The following JAK1 variants were observed in gnomAD, a reference collection of about 807,000 sequenced individuals.
JAK1 encodes tyrosine-protein kinase JAK1.
A neutral mutation model predicts 136.6 loss-of-function variants in JAK1; 16 were observed. That is an observed-to-expected ratio of 0.12 (90% CI 0.08 to 0.18). The LOEUF (loss-of-function observed/expected upper bound fraction) is 0.18. JAK1 is among the 10% of genes least tolerant of loss of function. JAK1 has a pLI of 1.00. For missense variants in JAK1, 859 were observed against 1,450.1 expected (o/e 0.59, Z 6.62); for synonymous variants, 492 against 519.5 (o/e 0.95, Z 0.72).
At chr1:64,959,919 T>A (rs1646252578) in intron 1 of JAK1, among the ~76,000 whole-genome samples, 1 of 152,236 alleles carries the variant, frequency 6.6e-6, no homozygotes, top group Non-Finnish European at 1.5e-5. Context: ...ATACACATCC[T>A]ATTTATCAAT....
chr1:64,901,973 T>C (rs969831414), intron 1 of JAK1, among the ~76,000 whole-genome samples: 2 of 152,212 alleles, frequency 1.3e-5, no homozygotes, highest in Non-Finnish European at 2.9e-5. Context: ...AATAATACTC[T>C]ATTGTATAGG....
chr1:64,845,499 C>G lies in JAK1; in HGVS notation c.2115+14G>C, dbSNP rs755100913. ...TTTCTGGTGGGACCATTATGGACAT[C>G]AGGACATTCTCACCAAGTAGCTCAG... On this transcript the variant is annotated intron_variant, in intron 15 of 24. Transcript: ENST00000342505. 2 of 1,614,104 alleles carry G rather than the reference C, an allele frequency of 1.2e-6. No homozygotes were observed. The highest frequency in any genetic ancestry group is 8.5e-7 in the Non-Finnish European group (1 of 1,179,980).
At chr1:65,011,351 C>T (rs1414403779) in intron 2 of JAK1, among the ~76,000 whole-genome samples, 1 of 151,926 alleles carries the variant, frequency 6.6e-6, no homozygotes, top group African/African-American at 2.4e-5. Flanking sequence ...TAGTGCATGC[C>T]AATAGTCCCA....
intron 1 of JAK1, among the ~76,000 whole-genome samples, chr1:65,051,367 C>T (rs1647279229): frequency 6.6e-6 from 1 of 152,110 alleles, no homozygotes; most frequent in Admixed American, 6.6e-5. Context: ...CAATATAAAT[C>T]TGGGAATTTC....
At chr1:64,994,452 G>A (rs1221879624) in intron 2 of JAK1, among the ~76,000 whole-genome samples, 1 of 152,180 alleles carries the variant, frequency 6.6e-6, no homozygotes, top group Non-Finnish European at 1.5e-5. Flanking sequence ...ATTTCATACA[G>A]TTCTGGAGGC....
chr1:64,844,328 GC>G lies in JAK1; in HGVS notation c.2252-114del. 7.1e-7 allele frequency: 1 copy of G among 1,400,138 alleles called. No individual in the cohort carries two copies. The highest frequency in any genetic ancestry group is 1.0e-6 in the Non-Finnish European group (1 of 998,760). 86.7% of individuals were successfully genotyped at this position (1,400,138 alleles called of 1,614,324 possible). A position where few individuals can be genotyped will look rare whatever the true frequency, so the allele number is the denominator to read the frequency against. On this transcript the variant is annotated intron_variant, in intron 16 of 24. Transcript: ENST00000342505. This position sits in a 1 kb window ranked among gnomAD's most constrained non-coding sequence, Gnocchi z 5.7. ...ATGAAGGAACTACTTCAAGCAGTGT[GC>G]CCAAACATGGCCCATGGCCACATAG...
intron 1 of JAK1, among the ~76,000 whole-genome samples, chr1:64,965,419 A>C (rs549440105): frequency 6.6e-6 from 1 of 152,290 alleles, no homozygotes; most frequent in East Asian, 1.9e-4. Context: ...AACCCTCCAA[A>C]AAACGTGTGC....
chr1:64,883,516 T>C (rs1476134954), intron 2 of JAK1, 41 bp from the exon 3 acceptor site: 1 of 1,553,692 alleles, frequency 6.4e-7, no homozygotes. Flanking sequence ...TCACTCTATG[T>C]GCTAAAAGTT....
At chr1:65,049,420 TCAAA>T (rs759101687) in intron 1 of JAK1, among the ~76,000 whole-genome samples, 28 of 151,960 alleles carry the variant, frequency 1.8e-4, no homozygotes, top group East Asian at 5.8e-4. Flanking sequence ...AGATCCTGTC[TCAAA>T]CAAACAACAA....
chr1:65,054,811 A>AGCTAT (rs1647457175), intron 1 of JAK1, among the ~76,000 whole-genome samples: 1 of 152,132 alleles, frequency 6.6e-6, no homozygotes, highest in East Asian at 1.9e-4. Context: ...ACAATTCTAA[A>AGCTAT]GCTATGCTAT....
chr1:64,896,529 C>T lies in JAK1; in HGVS notation c.-77-10188G>A, dbSNP rs371410342. On this transcript the variant is annotated intron_variant, in intron 1 of 24. Transcript: ENST00000342505. ...GGTAGGATGTAAATAACTAATTGGG[C>T]TAAATATAACTAGGAGAAATAACTC... 1.3e-4 allele frequency among the ~76,000 whole-genome samples: 20 copies of T among 152,248 alleles called. 1 individual carries two copies. The highest frequency in any genetic ancestry group is 3.9e-4 in the Admixed American group (6 of 15,288).
At chr1:64,930,317 C>T (rs1645665971) in intron 1 of JAK1, among the ~76,000 whole-genome samples, 1 of 151,826 alleles carries the variant, frequency 6.6e-6, no homozygotes, top group Non-Finnish European at 1.5e-5. Context: ...GAAAAAACAA[C>T]CCCATCAAAC....
At chr1:65,029,958 TAAA>T (rs35368364) in intron 2 of JAK1, among the ~76,000 whole-genome samples, 6 of 145,928 alleles carry the variant, frequency 4.1e-5, no homozygotes, top group African/African-American at 7.5e-5. Flanking sequence ...GTTAAAAAGT[TAAA>T]AAAAAAAAAG....
intron 2 of JAK1, among the ~76,000 whole-genome samples, chr1:65,040,708 T>A (rs1352360613): frequency 1.3e-5 from 2 of 152,192 alleles, no homozygotes; most frequent in South Asian, 4.1e-4. Flanking sequence ...CACCTACCCA[T>A]AGTGGCGCTC....
At chr1:64,888,448 G>A (rs1391272940) in intron 1 of JAK1, among the ~76,000 whole-genome samples, 1 of 152,226 alleles carries the variant, frequency 6.6e-6, no homozygotes, top group Non-Finnish European at 1.5e-5. Context: ...CCAAAGTGCT[G>A]GGATTACAGG....
At chr1:64,937,799 C>A (rs1233516197) in intron 1 of JAK1, among the ~76,000 whole-genome samples, 1 of 152,192 alleles carries the variant, frequency 6.6e-6, no homozygotes, top group Non-Finnish European at 1.5e-5. Flanking sequence ...AACAAGGAAA[C>A]CCAACCATCG....
chr1:64,943,485 G>C (rs1038945728), intron 1 of JAK1, among the ~76,000 whole-genome samples: 1 of 152,126 alleles, frequency 6.6e-6, no homozygotes, highest in East Asian at 1.9e-4. Context: ...AAGTTAGTGG[G>C]GAGATGATGA....
chr1:64,912,823 G>A (rs775347089), intron 1 of JAK1, among the ~76,000 whole-genome samples: 6 of 152,192 alleles, frequency 3.9e-5, no homozygotes, highest in Admixed American at 1.3e-4. Flanking sequence ...CTTTGAAGAT[G>A]CATCAAAGGT....
chr1:65,037,235 T>G (rs767930756), intron 2 of JAK1, among the ~76,000 whole-genome samples: 59 of 152,174 alleles, frequency 3.9e-4, no homozygotes, highest in African/African-American at 1.4e-3. Context: ...TGCAAATATA[T>G]CAAAAGCTGT....
Sources: allele counts gnomAD v4.1 joint callset (sites outside exome capture counted in the v4.1 genomes callset), GRCh38; gene constraint gnomAD v4.1.1; non-coding constraint Gnocchi (gnomAD v3.1); transcripts MANE v1.5; gene names NCBI Gene and HGNC (gene_info 2026-07-23, HGNC 2026-07-21).